MARCHF10: variants seen among roughly 807,000 people sequenced by gnomAD.
MARCHF10 encodes membrane associated ring-CH-type finger 10.
Under a neutral mutation model 76.2 loss-of-function variants are expected in MARCHF10, and 64 were observed. The observed-to-expected ratio is 0.84, with a 90% CI of 0.69 to 1.03. The LOEUF is 1.03. Ranked by LOEUF, MARCHF10 falls within the 50% of genes least tolerant of loss-of-function variation. The pLI is 0.00. For missense variants in MARCHF10, 875 were observed against 958.0 expected, an observed-to-expected ratio of 0.91 and a Z score of 1.14; for synonymous variants, 340 against 357.5, an observed-to-expected ratio of 0.95 and a Z score of 0.55.
intron 6 of MARCHF10, among the ~76,000 whole-genome samples, chr17:62,728,430 A>G (rs541749787): frequency 4.1e-4 from 62 of 152,322 alleles, no homozygotes; most frequent in East Asian, 2.3e-3. Flanking sequence ...ATTGCCGGGG[A>G]CAGCGTGCTG....
intron 9 of MARCHF10, among the ~76,000 whole-genome samples, chr17:62,709,750 T>TTTTTTTG (rs1360353225): frequency 5.3e-5 from 8 of 151,996 alleles, no homozygotes; most frequent in Admixed American, 5.2e-4. Context: ...TTTGGGTGCC[T>TTTTTTTG]TTTTTTGTTT....
In MARCHF10 at chr17:62,716,475, C is replaced by T. The variant is rs560041939; in HGVS notation, c.2215-5131G>A. On this transcript the variant is annotated intron_variant, in intron 8 of 10. Coordinates refer to ENST00000311269, the MANE Select transcript of MARCHF10 (RefSeq NM_152598.4). ...AAAAAGCAGGGTGTGGTGGCACACA[C>T]CTGTGGACCCAGCTACTTAGGAGGC... Among the ~76,000 whole-genome samples the T allele has an allele frequency of 2.1e-4, 32 of 151,556 alleles. 1 individual carries two copies. The highest frequency in any genetic ancestry group is 7.3e-4 in the African/African-American group (30 of 41,290).
chr17:62,769,852 A>C (rs764872461), intron 3 of MARCHF10, among the ~76,000 whole-genome samples: 5 of 152,056 alleles, frequency 3.3e-5, no homozygotes, highest in African/African-American at 4.8e-5. Context: ...TTGTTCCTCA[A>C]ATTGTGCCAA....
At chr17:62,781,995 A>G (rs916540957) in intron 3 of MARCHF10, among the ~76,000 whole-genome samples, 2 of 152,178 alleles carry the variant, frequency 1.3e-5, no homozygotes, top group African/African-American at 4.8e-5. Flanking sequence ...AGGTGCTGCA[A>G]TCTCTAGGAG....
At chr17:62,793,781 C>T (rs567712319) in intron 2 of MARCHF10, among the ~76,000 whole-genome samples, 1 of 150,904 alleles carries the variant, frequency 6.6e-6, no homozygotes, top group South Asian at 2.1e-4. Flanking sequence ...CCTCCATCAG[C>T]ACCACAACCA....
chr17:62,793,619 TCCA>T (rs1385948278), intron 2 of MARCHF10, among the ~76,000 whole-genome samples: 11 of 72,096 alleles, frequency 1.5e-4, no homozygotes, highest in Admixed American at 4.6e-4. Flanking sequence ...CACCACCACC[TCCA>T]CCACCACAAC....
chr17:62,726,353 A>C (rs1252185014), intron 6 of MARCHF10, among the ~76,000 whole-genome samples: 1 of 152,230 alleles, frequency 6.6e-6, no homozygotes, highest in Non-Finnish European at 1.5e-5. Flanking sequence ...TGGATGGAGA[A>C]ATATATGCTC....
intron 3 of MARCHF10, among the ~76,000 whole-genome samples, chr17:62,766,110 T>G (rs750680051): frequency 6.8e-6 from 1 of 147,620 alleles, no homozygotes; most frequent in Non-Finnish European, 1.5e-5. Context: ...GCAGAAGGAT[T>G]GCCCACGCCT....
chr17:62,803,293 A>T lies in MARCHF10; in HGVS notation c.-17-1541T>A, dbSNP rs544238144. Among the ~76,000 whole-genome samples, 225 of 144,166 alleles carry T rather than the reference A, an allele frequency of 1.6e-3. 1 individual carries two copies. The highest frequency in any genetic ancestry group is 6.0e-3 in the South Asian group (28 of 4,630). 94.6% of individuals were successfully genotyped at this position (144,166 alleles called of 152,430 possible). ...ACAGAGCAAGACCCTGTCTGTATTTAAAAAAAAAAAAATTGTATTTTAAAA... is the reference window on the plus strand; with the variant it reads ...ACAGAGCAAGACCCTGTCTGTATTTTAAAAAAAAAAAATTGTATTTTAAAA... On this transcript the variant is annotated intron_variant, in intron 1 of 10. Transcript: ENST00000311269.
chr17:62,708,480 G>C (rs2089728927), intron 9 of MARCHF10, among the ~76,000 whole-genome samples: 1 of 152,122 alleles, frequency 6.6e-6, no homozygotes, highest in Middle Eastern at 3.2e-3. Flanking sequence ...TCCTGACCTT[G>C]TGATCCACCT....
intron 3 of MARCHF10, among the ~76,000 whole-genome samples, chr17:62,784,207 A>T (rs2092709279): frequency 6.6e-6 from 1 of 152,226 alleles, no homozygotes; most frequent in Non-Finnish European, 1.5e-5. Context: ...CTGGGATGCA[A>T]GGCTGGTTCA....
chr17:62,722,268 A>G lies in MARCHF10; in HGVS notation c.2214+220T>C, dbSNP rs139013180. On this transcript the variant is annotated intron_variant, in intron 8 of 10. Transcript: ENST00000311269. ...ATTCCCGCCTGGGCGACAGAGTGAG[A>G]CTCTGTCTCAAAAAAAAAAAAAAAA... Among the ~76,000 whole-genome samples, 473 of 128,302 alleles carry G rather than the reference A, an allele frequency of 3.7e-3. 3 individuals carry two copies. The highest frequency in any genetic ancestry group is 0.013 in the African/African-American group (440 of 32,662). 84.2% of individuals were successfully genotyped at this position (128,302 alleles called of 152,430 possible). A position where few individuals can be genotyped will look rare whatever the true frequency, so the allele number is the denominator to read the frequency against.
chr17:62,805,068 G>C (rs1041239956), intron 1 of MARCHF10: 6 of 152,200 alleles, frequency 3.9e-5, no homozygotes, highest in African/African-American at 1.4e-4. Context: ...GGGAAAACTT[G>C]TGCTCGTCTC....
intron 1 of MARCHF10, among the ~76,000 whole-genome samples, chr17:62,804,375 AAG>A (rs1167810302): frequency 6.6e-6 from 1 of 152,158 alleles, no homozygotes; most frequent in Non-Finnish European, 1.5e-5. Flanking sequence ...CGAAAAGAGA[AAG>A]AGGACACAGG....
chr17:62,793,386 T>C (rs1160627436), intron 2 of MARCHF10, among the ~76,000 whole-genome samples: 117 of 55,454 alleles, frequency 2.1e-3, no homozygotes, highest in Middle Eastern at 0.018. Flanking sequence ...CCACCTCCAT[T>C]ACCACCACGA....
At chr17:62,708,805 T>C (rs1488694657) in intron 9 of MARCHF10, among the ~76,000 whole-genome samples, 1 of 152,172 alleles carries the variant, frequency 6.6e-6, no homozygotes, top group Non-Finnish European at 1.5e-5. Flanking sequence ...TGTGACTCAC[T>C]GTGGGCCCAG....
intron 3 of MARCHF10, among the ~76,000 whole-genome samples, chr17:62,783,497 C>T (rs1244412248): frequency 1.3e-5 from 2 of 151,994 alleles, no homozygotes; most frequent in Admixed American, 1.3e-4. Flanking sequence ...AATTCAAAAG[C>T]TAGCAGAAGG....
chr17:62,776,542 G>A (rs547888979), intron 3 of MARCHF10, among the ~76,000 whole-genome samples: 6 of 152,188 alleles, frequency 3.9e-5, no homozygotes, highest in South Asian at 2.1e-4. Flanking sequence ...GAAATTAAGC[G>A]CTGCTGGCTT....
At chr17:62,779,188 G>T (rs185249168) in intron 3 of MARCHF10, among the ~76,000 whole-genome samples, 46 of 152,272 alleles carry the variant, frequency 3.0e-4, no homozygotes, top group African/African-American at 1.1e-3. Flanking sequence ...TGTTAAGGGT[G>T]ACTCACAGCC....
Sources: gnomAD v4.1 joint callset for allele counts (sites outside exome capture counted in the v4.1 genomes callset) on GRCh38, gnomAD v4.1.1 for gene constraint, MANE v1.5 for transcripts, NCBI Gene and HGNC (gene_info 2026-07-23, HGNC 2026-07-21) for gene names.